The following FERRY3 variants were observed in gnomAD, a reference collection of about 807,000 sequenced individuals.
FERRY3 encodes protein C12orf4.
the FERRY3 span, among the ~76,000 whole-genome samples, chr12:4,518,586 G>T: frequency 6.6e-6 from 1 of 152,080 alleles, no homozygotes; most frequent in Non-Finnish European, 1.5e-5. Context: ...GGTCAGGCAC[G>T]GTGACTCATG....
the FERRY3 span, among the ~76,000 whole-genome samples, chr12:4,526,850 A>C: frequency 6.6e-6 from 1 of 152,098 alleles, no homozygotes; most frequent in Admixed American, 6.6e-5. Context: ...TCAAAAAAAA[A>C]AAAAGGGTGA....
the FERRY3 span, among the ~76,000 whole-genome samples, chr12:4,502,762 T>C: frequency 2.0e-5 from 3 of 152,244 alleles, no homozygotes; most frequent in Non-Finnish European, 4.4e-5. The surrounding 1 kb of genome is among the most constrained non-coding windows in gnomAD (Gnocchi z 4.2). Context: ...TATCCACAGA[T>C]GCCTCTGACA....
At chr12:4,500,999 C>T in the FERRY3 span, among the ~76,000 whole-genome samples, 2 of 152,136 alleles carry the variant, frequency 1.3e-5, no homozygotes, top group East Asian at 1.9e-4. Flanking sequence ...TTTTTACGTG[C>T]CCTAAATCTG....
At chr12:4,494,809 T>C in the FERRY3 span, among the ~76,000 whole-genome samples, 302 of 152,376 alleles carry the variant, frequency 2.0e-3, 1 homozygote, top group Middle Eastern at 0.014. Context: ...TTTCAGGTCC[T>C]GTGCATTTCC....
chr12:4,519,872 C>T, the FERRY3 span, among the ~76,000 whole-genome samples: 1 of 152,196 alleles, frequency 6.6e-6, no homozygotes, highest in Non-Finnish European at 1.5e-5. This position sits in a 1 kb window ranked among gnomAD's most constrained non-coding sequence, Gnocchi z 4.3. Context: ...CTCCAGCTCT[C>T]CTGGAAAAAA....
the FERRY3 span, chr12:4,489,572 G>C: frequency 1.7e-4 from 54 of 310,424 alleles, no homozygotes; most frequent in Non-Finnish European, 1.2e-4. Context: ...AGGTAACACA[G>C]AGAAGAAAAA....
chr12:4,515,823 A>G, the FERRY3 span, among the ~76,000 whole-genome samples: 104 of 152,322 alleles, frequency 6.8e-4, no homozygotes, highest in Non-Finnish European at 1.2e-3. Flanking sequence ...GACACAGAAA[A>G]GTGGTAACTA....
At chr12:4,530,182 GTAAA>G in the FERRY3 span, 3 of 720,250 alleles carry the variant, frequency 4.2e-6, no homozygotes, top group Non-Finnish European at 6.5e-6. Flanking sequence ...ATATGTGTGT[GTAAA>G]TATATGTGTG....
the FERRY3 span, among the ~76,000 whole-genome samples, chr12:4,537,616 G>A: frequency 1.3e-5 from 2 of 152,058 alleles, no homozygotes; most frequent in African/African-American, 2.4e-5. Context: ...GTCGTGGGGC[G>A]GGGCTAAGTT....
At chr12:4,518,828 C>T in the FERRY3 span, 1 of 1,595,072 alleles carries the variant, frequency 6.3e-7, no homozygotes. Context: ...TAAATCCTTC[C>T]AATTGCTTCT....
chr12:4,489,184 C>G, the FERRY3 span: 1 of 152,584 alleles, frequency 6.6e-6, no homozygotes, highest in East Asian at 1.9e-4. Flanking sequence ...TGCAAGGGCA[C>G]AGCGGGAGGA....
At chr12:4,534,210 C>T in the FERRY3 span, 2 of 1,612,716 alleles carry the variant, frequency 1.2e-6, no homozygotes, top group Non-Finnish European at 1.7e-6. Context: ...TCTACTTCAC[C>T]TGATTTCACA....
At chr12:4,490,470 G>T in the FERRY3 span, 7 of 1,404,386 alleles carry the variant, frequency 5.0e-6, no homozygotes, top group East Asian at 1.8e-4. Flanking sequence ...GTATCTGTGA[G>T]AAATCTAATA....
the FERRY3 span, among the ~76,000 whole-genome samples, chr12:4,494,225 A>AT: frequency 1.3e-5 from 2 of 151,928 alleles, no homozygotes; most frequent in African/African-American, 4.9e-5. Flanking sequence ...ACCTTTATAA[A>AT]TTTAAAAAAA....
At chr12:4,529,270 T>C in the FERRY3 span, among the ~76,000 whole-genome samples, 3 of 152,178 alleles carry the variant, frequency 2.0e-5, no homozygotes, top group African/African-American at 7.2e-5. Context: ...GGAATTCAAA[T>C]CTAATTACAA....
chr12:4,529,823 TG>T, the FERRY3 span: 1 of 1,461,030 alleles, frequency 6.8e-7, no homozygotes. Context: ...GCCATCTATT[TG>T]ACAACGTAAC....
At chr12:4,490,766 T>C in the FERRY3 span, among the ~76,000 whole-genome samples, 4,773 of 152,316 alleles carry the variant, frequency 0.031, 248 homozygotes, top group African/African-American at 0.11. Context: ...CAATTCCTAA[T>C]TCTTCATGCC....
the FERRY3 span, among the ~76,000 whole-genome samples, chr12:4,505,613 C>CA: frequency 6.6e-6 from 1 of 152,178 alleles, no homozygotes; most frequent in Admixed American, 6.5e-5. Context: ...TATGAGGAGA[C>CA]AGAGGCTTGG....
chr12:4,536,010 T>C, the FERRY3 span: 2 of 1,520,732 alleles, frequency 1.3e-6, no homozygotes, highest in Middle Eastern at 1.8e-4. Context: ...AAAAAAACAG[T>C]CCTCACCTTT....
Sources: gnomAD v4.1 joint callset for allele counts (sites outside exome capture counted in the v4.1 genomes callset) on GRCh38, gnomAD v4.1.1 for gene constraint, Gnocchi (gnomAD v3.1) non-coding constraint, MANE v1.5 for transcripts, NCBI Gene and HGNC (gene_info 2026-07-23, HGNC 2026-07-21) for gene names.